NRXN3: variants seen among roughly 807,000 people sequenced by gnomAD.
The protein encoded by NRXN3 is neurexin 3.
Under a neutral mutation model 137.6 loss-of-function variants are expected in NRXN3, and 32 were observed. The observed-to-expected ratio is 0.23, with a 90% CI of 0.18 to 0.31. The LOEUF (loss-of-function observed/expected upper bound fraction) is 0.31, where lower values mean the gene tolerates loss of function less well. NRXN3 is among the 10% of genes least tolerant of loss of function. The pLI, the probability that NRXN3 is intolerant of heterozygous loss-of-function variation, is 1.00. For synonymous variants in NRXN3, 798 were observed against 784.5 expected (o/e 1.02, Z -0.29); for missense variants, 1,574 against 2,062.5 (o/e 0.76, Z 4.59).
At chr14:79,101,415 T>C (rs2051272729) in intron 15 of NRXN3, among the ~76,000 whole-genome samples, 2 of 152,208 alleles carry the variant, frequency 1.3e-5, no homozygotes, top group Non-Finnish European at 2.9e-5. Context: ...TGGAGCTATA[T>C]ATGGTTCCCC....
chr14:79,413,197 C>A (rs1299684127), intron 15 of NRXN3, among the ~76,000 whole-genome samples: 1 of 152,132 alleles, frequency 6.6e-6, no homozygotes, highest in East Asian at 1.9e-4. Flanking sequence ...TTCTACTGTG[C>A]TTCTCTCTAT....
intron 16 of NRXN3, among the ~76,000 whole-genome samples, chr14:79,510,318 C>G (rs1164300348): frequency 1.3e-5 from 2 of 152,092 alleles, no homozygotes; most frequent in Non-Finnish European, 2.9e-5. Flanking sequence ...TGTGAAAGAT[C>G]AGCACTCACA....
chr14:78,564,607 C>A (rs565025656), intron 4 of NRXN3, among the ~76,000 whole-genome samples: 6 of 152,312 alleles, frequency 3.9e-5, no homozygotes, highest in African/African-American at 7.2e-5. Flanking sequence ...ATGTATTGTA[C>A]CTTTCCTTCT....
chr14:78,440,152 G>A (rs772229143), intron 4 of NRXN3, among the ~76,000 whole-genome samples: 6 of 152,226 alleles, frequency 3.9e-5, no homozygotes, highest in Non-Finnish European at 8.8e-5. Context: ...CGGCCAGTAC[G>A]TGAGTTGTGT....
In NRXN3 at chr14:79,540,948, A is replaced by C. The variant is rs561160807; in HGVS notation, c.3444+73546A>C. On this transcript the variant is annotated intron_variant, in intron 16 of 20. Transcript: ENST00000335750. ...CAGTTCTGGAGGTTGGAAGTCCAAA[A>C]TCAAGGTGTCAGCAAGGCTGGTTCC... Among the ~76,000 whole-genome samples, 207 of 152,274 alleles carry C rather than the reference A, an allele frequency of 1.4e-3. 1 individual carries two copies. Among genetic ancestry groups the C allele is most frequent in the Non-Finnish European group, 2.4e-3 (163 of 68,018 alleles).
chr14:78,515,991 C>T (rs535179711), intron 4 of NRXN3, among the ~76,000 whole-genome samples: 1 of 152,102 alleles, frequency 6.6e-6, no homozygotes, highest in South Asian at 2.1e-4. Flanking sequence ...GCCTAGGATT[C>T]GTTGCTGTGA....
intron 4 of NRXN3, among the ~76,000 whole-genome samples, chr14:78,539,785 C>T (rs2096571164): frequency 6.6e-6 from 1 of 152,052 alleles, no homozygotes; most frequent in South Asian, 2.1e-4. Flanking sequence ...TAAATGTGTC[C>T]CAGAGATTCT....
At chr14:79,391,310 A>G (rs1252204132) in intron 15 of NRXN3, among the ~76,000 whole-genome samples, 2 of 152,240 alleles carry the variant, frequency 1.3e-5, no homozygotes, top group Non-Finnish European at 2.9e-5. Context: ...TGAAGTGGAA[A>G]TAATTCTGTA....
At chr14:78,806,210 C>G (rs889708385) in intron 9 of NRXN3, among the ~76,000 whole-genome samples, 17 of 152,050 alleles carry the variant, frequency 1.1e-4, no homozygotes, top group African/African-American at 4.1e-4. Flanking sequence ...ATAGGTTCAT[C>G]ATAATTACTG....
chr14:79,565,212 T>TATATGTGTGTGTATATATAC (rs2097535168), intron 16 of NRXN3, among the ~76,000 whole-genome samples: 2 of 142,930 alleles, frequency 1.4e-5, no homozygotes, highest in African/African-American at 5.4e-5. Context: ...TGTTTGTGTA[T>TATATGTGTGTGTATATATAC]ATATATGTGT....
intron 15 of NRXN3, among the ~76,000 whole-genome samples, chr14:79,012,528 G>A (rs558054296): frequency 6.6e-6 from 1 of 152,180 alleles, no homozygotes; most frequent in South Asian, 2.1e-4. Context: ...CCAGAATCAG[G>A]GACTTTGAGT....
chr14:78,510,316 A>G (rs76065380), intron 4 of NRXN3, among the ~76,000 whole-genome samples: 5,488 of 152,140 alleles, frequency 0.036, 295 homozygotes, highest in African/African-American at 0.12. Context: ...AATAATAATA[A>G]TAATAACAAT....
At chr14:78,703,649 A>T (rs1283074021) in intron 6 of NRXN3, 1 of 152,062 alleles carries the variant, frequency 6.6e-6, no homozygotes, top group Non-Finnish European at 1.5e-5. Flanking sequence ...TTTGTAGTCA[A>T]CTCTGCTCCA....
At chr14:79,641,961 A>G (rs924181605) in intron 16 of NRXN3, among the ~76,000 whole-genome samples, 1 of 135,650 alleles carries the variant, frequency 7.4e-6, no homozygotes, top group African/African-American at 2.5e-5. Context: ...TTTATGGGAC[A>G]ATACTGCGTG....
chr14:79,256,803 T>C (rs80129216), intron 15 of NRXN3, among the ~76,000 whole-genome samples: 5,379 of 152,246 alleles, frequency 0.035, 325 homozygotes, highest in African/African-American at 0.12. Flanking sequence ...TATCTTCCTT[T>C]GGAAAAAGAA....
intron 6 of NRXN3, 26 bp from the exon 7 acceptor site, chr14:78,709,191 T>C (rs753826419): frequency 9.4e-6 from 15 of 1,588,158 alleles, no homozygotes; most frequent in Non-Finnish European, 1.3e-5. Flanking sequence ...TTGATTCACA[T>C]GGCACTTTTG....
chr14:79,115,159 C>A (rs893748546), intron 15 of NRXN3, among the ~76,000 whole-genome samples: 16 of 151,916 alleles, frequency 1.1e-4, no homozygotes, highest in African/African-American at 3.6e-4. Context: ...AACCCCGTCT[C>A]TACTAAAAAT....
chr14:79,588,010 T>G (rs79312987), intron 16 of NRXN3, among the ~76,000 whole-genome samples: 1 of 152,230 alleles, frequency 6.6e-6, no homozygotes, highest in Non-Finnish European at 1.5e-5. Context: ...AGGTGACTTA[T>G]AGTCACCTCT....
chr14:79,331,006 C>G (rs2091609122), intron 15 of NRXN3, among the ~76,000 whole-genome samples: 1 of 152,040 alleles, frequency 6.6e-6, no homozygotes, highest in Non-Finnish European at 1.5e-5. Flanking sequence ...GTATGGTGTC[C>G]TGGTCCTTTC....
Sources: allele counts gnomAD v4.1 joint callset (sites outside exome capture counted in the v4.1 genomes callset), GRCh38; gene constraint gnomAD v4.1.1; transcripts MANE v1.5; gene names NCBI Gene and HGNC (gene_info 2026-07-23, HGNC 2026-07-21).